The following CDK14 variants were observed in gnomAD, a reference collection of about 807,000 sequenced individuals.
CDK14 encodes the protein cyclin dependent kinase 14.
A neutral mutation model predicts 60.7 loss-of-function variants in CDK14; 34 were observed. The observed-to-expected ratio is 0.56, with a 90% CI of 0.43 to 0.75. The LOEUF (loss-of-function observed/expected upper bound fraction) is 0.75, where lower values mean the gene tolerates loss of function less well. Among genes scored for constraint, CDK14 ranks in the 30% least tolerant of loss-of-function variants. CDK14 has a pLI of 0.00. For missense variants in CDK14, 482 were observed against 564.1 expected, an observed-to-expected ratio of 0.85 and a Z score of 1.47; for synonymous variants, 197 against 203.7, an observed-to-expected ratio of 0.97 and a Z score of 0.28.
chr7:90,713,257 A>G (rs1802128752), intron 2 of CDK14, among the ~76,000 whole-genome samples: 2 of 152,034 alleles, frequency 1.3e-5, no homozygotes, highest in African/African-American at 4.8e-5. Context: ...CTGTTCATTT[A>G]TTTTCTGTCG....
At chr7:91,033,663 C>T (rs1440497823) in intron 10 of CDK14, among the ~76,000 whole-genome samples, 1 of 152,120 alleles carries the variant, frequency 6.6e-6, no homozygotes, top group Non-Finnish European at 1.5e-5. Context: ...CCCTGTTTTT[C>T]CCTATTTTGA....
intron 4 of CDK14, among the ~76,000 whole-genome samples, chr7:90,756,517 C>T: frequency 6.6e-6 from 1 of 152,198 alleles, no homozygotes; most frequent in East Asian, 1.9e-4. Flanking sequence ...TTCAAGCCTC[C>T]TGGTCACATG....
At chr7:90,828,769 A>G (rs1477825135) in intron 5 of CDK14, among the ~76,000 whole-genome samples, 1 of 152,188 alleles carries the variant, frequency 6.6e-6, no homozygotes, top group African/African-American at 2.4e-5. Context: ...TACAATTCAG[A>G]TGTTTGAGGT....
At chr7:91,051,226 T>C (rs1246246528) in intron 11 of CDK14, among the ~76,000 whole-genome samples, 1 of 152,216 alleles carries the variant, frequency 6.6e-6, no homozygotes, top group Admixed American at 6.5e-5. Flanking sequence ...ATGAGGGATC[T>C]GCCCCTATGA....
At position 91,208,563 on chromosome 7, in the gene CDK14, T is replaced by G. The variant is rs1802973174; in HGVS notation, c.*1427T>G. Reference sequence around the variant, plus strand: ...ACCTTTGTGTACAGTGTCTTACATTTTCCTATTAGTCAGAAAGAAGGAGAG... The same window carrying G: ...ACCTTTGTGTACAGTGTCTTACATTGTCCTATTAGTCAGAAAGAAGGAGAG... On this transcript the variant is annotated 3_prime_UTR_variant, in exon 15 of 15. Transcript: ENST00000380050. 6.6e-6 allele frequency: 1 copy of G among 152,238 alleles called. No homozygotes were observed. Among genetic ancestry groups the G allele is most frequent in the Non-Finnish European group, 1.5e-5 (1 of 68,038 alleles). The allele number at this position is 152,238 out of a possible 1,614,324, so 9.4% of individuals were successfully genotyped here.
In CDK14 at chr7:91,026,038, G is replaced by A. The variant is rs1284329665; in HGVS notation, c.1042-19859G>A. ...GGACTAAGTTACCTTTTTTTTTTTA[G>A]TGAACATAATCATTAGAAGACTTTG... On this transcript the variant is annotated intron_variant, in intron 10 of 14. Transcript: ENST00000380050. Among the ~76,000 whole-genome samples, 3 of 149,364 alleles carry A rather than the reference G, an allele frequency of 2.0e-5. No individual in the cohort carries two copies. The South Asian group carries it at 6.4e-4, about 32-fold the overall frequency.
intron 5 of CDK14, among the ~76,000 whole-genome samples, chr7:90,850,589 C>A (rs569923679): frequency 4.6e-5 from 7 of 152,178 alleles, no homozygotes; most frequent in African/African-American, 1.7e-4. Context: ...ATTGGTGAGG[C>A]CCAGAAGCTG....
chr7:90,744,736 TC>T (rs2116795987), intron 3 of CDK14, among the ~76,000 whole-genome samples: 1 of 134,572 alleles, frequency 7.4e-6, no homozygotes, highest in African/African-American at 2.9e-5. Context: ...GCCCCTCACC[TC>T]CCGGACGGGG....
chr7:90,674,865 C>G (rs1212455083), intron 2 of CDK14, among the ~76,000 whole-genome samples: 2 of 152,210 alleles, frequency 1.3e-5, no homozygotes, highest in Non-Finnish European at 2.9e-5. Context: ...CTCTCCTTCC[C>G]TGCCTGGACA....
intron 10 of CDK14, among the ~76,000 whole-genome samples, chr7:91,031,118 C>T (rs190074331): frequency 1.6e-4 from 25 of 152,250 alleles, no homozygotes; most frequent in East Asian, 7.7e-4. Context: ...ATTGTTTCTT[C>T]GGGGAAATAT....
At chr7:90,726,900 C>G (rs1055107677) in intron 3 of CDK14, 88 bp downstream of exon 3, 77 of 1,469,258 alleles carry the variant, frequency 5.2e-5, no homozygotes, top group Non-Finnish European at 6.9e-5. Flanking sequence ...CAGCAGGAAA[C>G]TTTATCAGTG....
intron 11 of CDK14, among the ~76,000 whole-genome samples, chr7:91,076,629 CA>C (rs1798327536): frequency 6.6e-6 from 1 of 152,084 alleles, no homozygotes; most frequent in South Asian, 2.1e-4. Flanking sequence ...GCAATTTTAA[CA>C]AAAGCTAAAA....
At chr7:90,917,501 C>T (rs1793116880) in intron 7 of CDK14, 100 bp from the exon 8 acceptor site, 4 of 1,105,926 alleles carry the variant, frequency 3.6e-6, no homozygotes, top group South Asian at 4.2e-5. Context: ...TGATGGTTAC[C>T]CATTTTCCCT....
chr7:90,900,452 G>A (rs1366181502), intron 7 of CDK14, among the ~76,000 whole-genome samples: 4 of 152,014 alleles, frequency 2.6e-5, no homozygotes, highest in South Asian at 2.1e-4. Context: ...ATGAAAATAC[G>A]TGTTTTATTA....
intron 9 of CDK14, among the ~76,000 whole-genome samples, chr7:90,974,671 ATTAT>A (rs1283246695): frequency 6.6e-6 from 1 of 152,176 alleles, no homozygotes; most frequent in African/African-American, 2.4e-5. Flanking sequence ...ATGTGATATA[ATTAT>A]TTATTGAGTT....
chr7:91,078,624 A>G (rs1403836566), intron 11 of CDK14, among the ~76,000 whole-genome samples: 1 of 152,148 alleles, frequency 6.6e-6, no homozygotes, highest in Non-Finnish European at 1.5e-5. Flanking sequence ...AAATTGTTAC[A>G]TATATTCTTG....
chr7:90,807,537 G>A (rs1209281004), intron 5 of CDK14, among the ~76,000 whole-genome samples: 6 of 152,150 alleles, frequency 3.9e-5, no homozygotes, highest in Non-Finnish European at 8.8e-5. Context: ...AGAAAAACTG[G>A]AAACTCTAAA....
chr7:90,868,233 C>T (rs1432203402), intron 6 of CDK14, among the ~76,000 whole-genome samples: 2 of 151,354 alleles, frequency 1.3e-5, no homozygotes, highest in Admixed American at 1.3e-4. Context: ...CACAAGTTTC[C>T]TTGTGTCATT....
chr7:91,112,342 GTTATA>G (rs1183480274), intron 12 of CDK14, among the ~76,000 whole-genome samples, 195 bp from the exon 13 acceptor site: 26 of 147,800 alleles, frequency 1.8e-4, no homozygotes, highest in Non-Finnish European at 2.9e-4. Context: ...CAATTATACT[GTTATA>G]CCTAGAGTAA....
Sources: gnomAD v4.1 joint callset for allele counts (sites outside exome capture counted in the v4.1 genomes callset) on GRCh38, gnomAD v4.1.1 for gene constraint, MANE v1.5 for transcripts, NCBI Gene and HGNC (gene_info 2026-07-23, HGNC 2026-07-21) for gene names.